ATP13A4: variants seen among roughly 807,000 people sequenced by gnomAD.
ATP13A4 encodes ATPase 13A4.
A neutral mutation model predicts 142.5 loss-of-function variants in ATP13A4; 114 were observed. The ratio of observed to expected loss-of-function variants is 0.80; its 90% CI spans 0.69 to 0.93. The LOEUF (loss-of-function observed/expected upper bound fraction) is 0.93, where lower values mean the gene tolerates loss of function less well. ATP13A4 is among the 40% of genes least tolerant of loss of function. ATP13A4 has a pLI of 0.00. For synonymous variants in ATP13A4, 488 were observed against 514.8 expected (o/e 0.95, Z 0.70); for missense variants, 1,392 against 1,454.0 (o/e 0.96, Z 0.69).
At chr3:193,404,196 G>A in intron 29 of ATP13A4, 1 of 977,242 alleles carries the variant, frequency 1.0e-6, no homozygotes, top group Non-Finnish European at 1.2e-6. Flanking sequence ...TCGAGTAAAG[G>A]TTTTAAAATC....
chr3:193,573,283 A>ACT (rs1207289368), intron 2 of ATP13A4, among the ~76,000 whole-genome samples: 2 of 95,524 alleles, frequency 2.1e-5, no homozygotes, highest in African/African-American at 4.9e-5. Context: ...ATACATATAT[A>ACT]TATATACACA....
intron 7 of ATP13A4, among the ~76,000 whole-genome samples, chr3:193,486,165 T>C (rs1719603866): frequency 6.6e-6 from 1 of 151,930 alleles, no homozygotes; most frequent in South Asian, 2.1e-4. Flanking sequence ...GATTAAAAAC[T>C]CTTAGAGATC....
intron 25 of ATP13A4, 56 bp downstream of exon 25, chr3:193,433,789 A>G: frequency 7.7e-7 from 1 of 1,291,700 alleles, no homozygotes; most frequent in South Asian, 1.2e-5. Flanking sequence ...TTTCCAAGGC[A>G]GAGGGAGGGC....
At chr3:193,570,009 T>G (rs889582302) in intron 2 of ATP13A4, among the ~76,000 whole-genome samples, 1 of 152,156 alleles carries the variant, frequency 6.6e-6, no homozygotes, top group Non-Finnish European at 1.5e-5. Flanking sequence ...CATACAAATA[T>G]GCTTTGCCAG....
chr3:193,421,947 T>C (rs1715423415), intron 25 of ATP13A4, among the ~76,000 whole-genome samples: 1 of 149,764 alleles, frequency 6.7e-6, no homozygotes, highest in Admixed American at 6.9e-5. Flanking sequence ...CTATCAATAA[T>C]TACTTTGAAT....
chr3:193,470,101 AAG>A (rs1718533361), intron 9 of ATP13A4, among the ~76,000 whole-genome samples: 1 of 152,208 alleles, frequency 6.6e-6, no homozygotes, highest in Non-Finnish European at 1.5e-5. Context: ...ATACACCAAT[AAG>A]AGTGCGTTCA....
At chr3:193,494,317 G>A (rs1025308600) in intron 3 of ATP13A4, among the ~76,000 whole-genome samples, 1 of 152,002 alleles carries the variant, frequency 6.6e-6, no homozygotes, top group African/African-American at 2.4e-5. Flanking sequence ...TTCAACAGCT[G>A]CAGAATATAC....
intron 2 of ATP13A4, among the ~76,000 whole-genome samples, chr3:193,572,380 T>C (rs1724286016): frequency 6.6e-6 from 1 of 152,244 alleles, no homozygotes; most frequent in South Asian, 2.1e-4. Context: ...GAATAGAATG[T>C]TTGTTACAGT....
At chr3:193,472,333 T>C (rs1718675469) in intron 8 of ATP13A4, among the ~76,000 whole-genome samples, 1 of 152,198 alleles carries the variant, frequency 6.6e-6, no homozygotes, top group African/African-American at 2.4e-5. Context: ...ACTCCCTGCT[T>C]GTCAGTCACC....
chr3:193,548,744 C>T (rs1009302521), intron 1 of ATP13A4, among the ~76,000 whole-genome samples: 21 of 152,312 alleles, frequency 1.4e-4, no homozygotes, highest in African/African-American at 5.1e-4. Flanking sequence ...ATGTTCCTAG[C>T]TCCTGCTGAA....
intron 3 of ATP13A4, among the ~76,000 whole-genome samples, chr3:193,498,040 A>G (rs953369050): frequency 2.0e-5 from 3 of 152,198 alleles, no homozygotes; most frequent in African/African-American, 7.2e-5. Flanking sequence ...ATTGTATTGT[A>G]TATTCCAAAA....
At chr3:193,580,059 G>A (rs112494270) in intron 2 of ATP13A4, among the ~76,000 whole-genome samples, 32 of 152,124 alleles carry the variant, frequency 2.1e-4, no homozygotes, top group Non-Finnish European at 2.9e-5. Flanking sequence ...GAACAAAGTG[G>A]TAAACTGGAT....
At chr3:193,552,641 G>T (rs1293557771) in intron 1 of ATP13A4, among the ~76,000 whole-genome samples, 2 of 152,188 alleles carry the variant, frequency 1.3e-5, no homozygotes, top group East Asian at 3.9e-4. Flanking sequence ...TGAAGGAAGG[G>T]AATGTGTTCT....
At chr3:193,410,936 G>A in intron 28 of ATP13A4, 46 bp downstream of exon 28, 1 of 1,213,540 alleles carries the variant, frequency 8.2e-7, no homozygotes, top group Non-Finnish European at 1.2e-6. Flanking sequence ...AAGTTAAACT[G>A]TTACATAACT....
rs113548040 is a variant in ATP13A4, at chr3:193,492,588, A to G, written c.533+329T>C. Among the ~76,000 whole-genome samples, 1,057 of 152,248 alleles carry G rather than the reference A, an allele frequency of 6.9e-3. 22 individuals are homozygous for G. The highest frequency in any genetic ancestry group is 0.024 in the African/African-American group (986 of 41,552). ...AAACTTTGTATGGAGTAGAAAGAGC[A>G]TTACATCTGCAGTCAGGAGTGTGGG... is the stretch of plus-strand genomic sequence containing the variant. On this transcript the variant is annotated intron_variant, in intron 5 of 29. Transcript: ENST00000342695.
At chr3:193,555,917 C>T (rs757301422), upstream of ATP13A4, among the ~76,000 whole-genome samples, 1 of 152,142 alleles carries the variant, frequency 6.6e-6, no homozygotes, top group Non-Finnish European at 1.5e-5. Context: ...TGGTACCGCC[C>T]GACAGGACTT....
chr3:193,479,281 G>C (rs1227168088), intron 8 of ATP13A4, among the ~76,000 whole-genome samples: 1 of 152,078 alleles, frequency 6.6e-6, no homozygotes, highest in Non-Finnish European at 1.5e-5. Flanking sequence ...AATCAGACAA[G>C]AGAAGGAAAT....
chr3:193,558,317 A>G (rs1311535473), upstream of ATP13A4, among the ~76,000 whole-genome samples: 1 of 152,176 alleles, frequency 6.6e-6, no homozygotes, highest in East Asian at 1.9e-4. Flanking sequence ...TCTATTCTAT[A>G]CTCTACGTGC....
At chr3:193,527,087 C>A (rs527847928) in intron 1 of ATP13A4, among the ~76,000 whole-genome samples, 29 of 152,166 alleles carry the variant, frequency 1.9e-4, no homozygotes, top group Admixed American at 1.8e-3. Context: ...GCTTTGCAAC[C>A]GCTGGTATAG....
Sources: gnomAD v4.1 joint callset for allele counts (sites outside exome capture counted in the v4.1 genomes callset) on GRCh38, gnomAD v4.1.1 for gene constraint, MANE v1.5 for transcripts, NCBI Gene and HGNC (gene_info 2026-07-23, HGNC 2026-07-21) for gene names.